DCC: variants seen among roughly 807,000 people sequenced by gnomAD.
DCC encodes netrin receptor DCC.
A neutral mutation model predicts 172.5 loss-of-function variants in DCC; 58 were observed. The observed-to-expected ratio is 0.34, with a 90% confidence interval of 0.27 to 0.42. The LOEUF (loss-of-function observed/expected upper bound fraction) is 0.42. Among genes scored for constraint, DCC ranks in the 10% least tolerant of loss-of-function variants. The pLI, the probability that DCC is intolerant of heterozygous loss-of-function variation, is 1.00. For missense variants in DCC, 1,740 were observed against 1,791.0 expected (o/e 0.97, Z 0.51); for synonymous variants, 709 against 644.5 (o/e 1.10, Z -1.52).
chr18:52,787,616 A>G (rs1259889595), intron 2 of DCC, among the ~76,000 whole-genome samples: 2 of 152,114 alleles, frequency 1.3e-5, no homozygotes, highest in African/African-American at 4.8e-5. Flanking sequence ...AAACATGTCA[A>G]ATAATCCTGT....
intron 1 of DCC, among the ~76,000 whole-genome samples, chr18:52,518,738 A>C (rs1053498020): frequency 1.3e-5 from 2 of 152,224 alleles, no homozygotes; most frequent in African/African-American, 2.4e-5. Flanking sequence ...TAATTATTAA[A>C]ACCATTCTTT....
chr18:53,390,794 G>A (rs916332497), intron 16 of DCC, among the ~76,000 whole-genome samples: 2 of 152,082 alleles, frequency 1.3e-5, no homozygotes, highest in Non-Finnish European at 1.5e-5. Context: ...ATACCTCAGT[G>A]CAAATCTCAT....
At chr18:52,602,347 C>T (rs1237714002) in intron 1 of DCC, among the ~76,000 whole-genome samples, 2 of 151,456 alleles carry the variant, frequency 1.3e-5, no homozygotes, top group Non-Finnish European at 2.9e-5. Flanking sequence ...TACCTTATCT[C>T]TTATGATTGC....
chr18:52,743,878 C>T (rs1371549827), intron 1 of DCC, among the ~76,000 whole-genome samples: 1 of 152,186 alleles, frequency 6.6e-6, no homozygotes, highest in African/African-American at 2.4e-5. Flanking sequence ...GTTCAGCACC[C>T]TTTTGCTGAG....
At chr18:52,354,582 T>C (rs1454414899) in intron 1 of DCC, among the ~76,000 whole-genome samples, 1 of 152,192 alleles carries the variant, frequency 6.6e-6, no homozygotes, top group Non-Finnish European at 1.5e-5. Context: ...TAGGATAATG[T>C]ATGTATTGGA....
At chr18:52,817,791 TTATATA>T (rs151243256) in intron 2 of DCC, among the ~76,000 whole-genome samples, 3 of 150,666 alleles carry the variant, frequency 2.0e-5, no homozygotes, top group Non-Finnish European at 3.0e-5. Flanking sequence ...TATAAAATGT[TTATATA>T]TATATATGTG....
At position 53,514,466 on chromosome 18, in the gene DCC, C is replaced by T. The variant is rs866059583; in HGVS notation, c.4112-12151C>T. 6.9e-3 allele frequency among the ~76,000 whole-genome samples: 874 copies of T among 127,466 alleles called. 10 individuals are homozygous for T. Among genetic ancestry groups the T allele is most frequent in the African/African-American group, 0.027 (840 of 30,568 alleles). The allele number at this position is 127,466 out of a possible 152,430, so 83.6% of individuals were successfully genotyped here. On this transcript the variant is annotated intron_variant, in intron 27 of 28. Coordinates refer to ENST00000442544, the MANE Select transcript of DCC (RefSeq NM_005215.4). ...TAAATCAGAGCAGAACTGAAGGAAACAGAGACACAAAAAAAACCCTTCAAA... is the reference window on the plus strand; with the variant it reads ...TAAATCAGAGCAGAACTGAAGGAAATAGAGACACAAAAAAAACCCTTCAAA...
At chr18:53,146,182 C>G (rs544856484) in intron 7 of DCC, among the ~76,000 whole-genome samples, 20 of 152,162 alleles carry the variant, frequency 1.3e-4, no homozygotes, top group Middle Eastern at 3.4e-3. Context: ...GATCATGCCA[C>G]TGTACTCTAG....
At position 53,304,334 on chromosome 18, in the gene DCC, T is replaced by C. The variant is rs184804033; in HGVS notation, c.1912-1244T>C. Among the ~76,000 whole-genome samples the C allele has an allele frequency of 5.4e-3, 816 of 152,214 alleles. 6 individuals carry two copies. Among genetic ancestry groups the C allele is most frequent in the Admixed American group, 0.023 (347 of 15,278 alleles). On this transcript the variant is annotated intron_variant, in intron 12 of 28. Coordinates refer to ENST00000442544, the MANE Select transcript of DCC (RefSeq NM_005215.4). ...CTGTCCATATCAGTAGGAGCCTCATTGTTGGGGAATTGATCAGGGATATGA... is the reference window on the plus strand; with the variant it reads ...CTGTCCATATCAGTAGGAGCCTCATCGTTGGGGAATTGATCAGGGATATGA...
At chr18:53,100,746 C>T (rs1399225641) in intron 7 of DCC, among the ~76,000 whole-genome samples, 1 of 151,982 alleles carries the variant, frequency 6.6e-6, no homozygotes, top group Non-Finnish European at 1.5e-5. Context: ...GGTCCCATCT[C>T]TTGATAAGCC....
chr18:53,311,876 C>T (rs943632087), intron 13 of DCC, among the ~76,000 whole-genome samples: 3 of 152,024 alleles, frequency 2.0e-5, no homozygotes, highest in African/African-American at 7.2e-5. Context: ...AATAGAAAAC[C>T]TATATTCTTA....
chr18:53,458,867 T>C (rs2045514678), intron 23 of DCC, among the ~76,000 whole-genome samples: 1 of 152,188 alleles, frequency 6.6e-6, no homozygotes, highest in Non-Finnish European at 1.5e-5. Flanking sequence ...ACTCCTTCAT[T>C]TATCTCCTAA....
intron 7 of DCC, among the ~76,000 whole-genome samples, chr18:53,128,022 A>G (rs569030921): frequency 2.8e-4 from 42 of 152,274 alleles, no homozygotes; most frequent in African/African-American, 9.1e-4. Flanking sequence ...TAATAACCTC[A>G]GATTCTTTAC....
chr18:52,407,476 C>T (rs1026166512), intron 1 of DCC, among the ~76,000 whole-genome samples: 1 of 152,074 alleles, frequency 6.6e-6, no homozygotes, highest in African/African-American at 2.4e-5. Context: ...ACTCCAATTA[C>T]TTCCTTGATA....
At chr18:53,320,315 G>A (rs565047470) in intron 13 of DCC, among the ~76,000 whole-genome samples, 12 of 151,976 alleles carry the variant, frequency 7.9e-5, no homozygotes, top group East Asian at 1.9e-4. Context: ...TTTGTGATCC[G>A]CCCGCCTCGG....
intron 1 of DCC, among the ~76,000 whole-genome samples, chr18:52,515,606 CAAAAAAA>C (rs58112743): frequency 4.8e-4 from 5 of 10,316 alleles, no homozygotes; most frequent in African/African-American, 1.1e-3. Flanking sequence ...AACCCTGTCT[CAAAAAAA>C]AAAAAAAAAA....
At chr18:53,134,152 AATG>A (rs2043702376) in intron 7 of DCC, among the ~76,000 whole-genome samples, 1 of 152,178 alleles carries the variant, frequency 6.6e-6, no homozygotes, top group African/African-American at 2.4e-5. Context: ...ATTTACAGCA[AATG>A]ATATGTTGCT....
At chr18:52,410,602 G>C (rs1197981492) in intron 1 of DCC, among the ~76,000 whole-genome samples, 1 of 152,072 alleles carries the variant, frequency 6.6e-6, no homozygotes, top group African/African-American at 2.4e-5. Context: ...TGAAATACCT[G>C]GTCGGAGATG....
chr18:53,189,124 G>C (rs1014584055), intron 9 of DCC, among the ~76,000 whole-genome samples: 10 of 152,126 alleles, frequency 6.6e-5, no homozygotes, highest in African/African-American at 2.4e-4. Context: ...TTGGAGGACT[G>C]AGCAAACTAT....
Sources: allele counts gnomAD v4.1 joint callset (sites outside exome capture counted in the v4.1 genomes callset), GRCh38; gene constraint gnomAD v4.1.1; transcripts MANE v1.5; gene names NCBI Gene and HGNC (gene_info 2026-07-23, HGNC 2026-07-21).